Variants in SCHIP1 observed in about 807,000 individuals in gnomAD.
The protein encoded by SCHIP1 is schwannomin interacting protein 1.
A neutral mutation model predicts 29.7 loss-of-function variants in SCHIP1; 8 were observed. The ratio of observed to expected loss-of-function variants is 0.27; its 90% CI spans 0.16 to 0.49. The LOEUF (loss-of-function observed/expected upper bound fraction) is 0.49. Among genes scored for constraint, SCHIP1 ranks in the 20% least tolerant of loss-of-function variants. SCHIP1 has a pLI of 0.99. For missense variants in SCHIP1, 193 were observed against 294.6 expected, an observed-to-expected ratio of 0.66 and a Z score of 2.52; for synonymous variants, 76 against 94.9, an observed-to-expected ratio of 0.80 and a Z score of 1.16.
the SCHIP1 span, among the ~76,000 whole-genome samples, chr3:159,530,701 C>A: frequency 1.3e-5 from 2 of 152,170 alleles, no homozygotes; most frequent in Non-Finnish European, 2.9e-5. Flanking sequence ...AACAGACAAC[C>A]CATTTCCTGC....
the SCHIP1 span, among the ~76,000 whole-genome samples, chr3:159,619,268 C>T: frequency 6.6e-6 from 1 of 152,180 alleles, no homozygotes; most frequent in East Asian, 1.9e-4. Context: ...CAGCCTGGTT[C>T]ATAAACCTCT....
the SCHIP1 span, among the ~76,000 whole-genome samples, chr3:159,557,941 C>T: frequency 9.8e-5 from 15 of 152,310 alleles, no homozygotes; most frequent in South Asian, 4.1e-4. Flanking sequence ...AGTATAAGGA[C>T]GCAGTTCCTG....
the SCHIP1 span, among the ~76,000 whole-genome samples, chr3:159,744,013 A>T: frequency 3.7e-4 from 56 of 152,330 alleles, no homozygotes; most frequent in African/African-American, 1.3e-3. Flanking sequence ...ACTGTACTGT[A>T]TAGTAAAACT....
At chr3:159,381,741 A>G in the SCHIP1 span, among the ~76,000 whole-genome samples, 1 of 152,064 alleles carries the variant, frequency 6.6e-6, no homozygotes, top group Non-Finnish European at 1.5e-5. Context: ...GACTATAGGC[A>G]TGCACCACCA....
At chr3:159,721,450 C>G in the SCHIP1 span, 2 of 152,718 alleles carry the variant, frequency 1.3e-5, no homozygotes, top group African/African-American at 4.8e-5. Flanking sequence ...ATGCTTCTAT[C>G]CAGGAAGCAT....
the SCHIP1 span, among the ~76,000 whole-genome samples, chr3:159,691,416 CTTT>C: frequency 4.0e-4 from 43 of 106,678 alleles, no homozygotes; most frequent in South Asian, 4.5e-3. Flanking sequence ...GCAACCCCTG[CTTT>C]TTTTTTTTTT....
chr3:159,595,003 A>T, the SCHIP1 span, among the ~76,000 whole-genome samples: 1 of 152,174 alleles, frequency 6.6e-6, no homozygotes, highest in Non-Finnish European at 1.5e-5. Flanking sequence ...AGAATCTGTC[A>T]TAAATTCAAG....
At chr3:159,575,271 ATT>A in the SCHIP1 span, among the ~76,000 whole-genome samples, 3 of 152,178 alleles carry the variant, frequency 2.0e-5, no homozygotes, top group Non-Finnish European at 4.4e-5. Flanking sequence ...GACCATGTAT[ATT>A]TGTTATAATT....
chr3:159,829,600 A>G, the SCHIP1 span, among the ~76,000 whole-genome samples: 1 of 152,364 alleles, frequency 6.6e-6, no homozygotes, highest in African/African-American at 2.4e-5. Context: ...CGACGTCAGC[A>G]TATTTAATTT....
chr3:159,803,268 TC>T, the SCHIP1 span, among the ~76,000 whole-genome samples: 1 of 152,014 alleles, frequency 6.6e-6, no homozygotes, highest in African/African-American at 2.4e-5. Flanking sequence ...TAATAAAGTA[TC>T]CCATAGAAAG....
the SCHIP1 span, among the ~76,000 whole-genome samples, chr3:159,563,198 C>T: frequency 6.6e-6 from 1 of 152,100 alleles, no homozygotes; most frequent in East Asian, 1.9e-4. Flanking sequence ...AGATCAGACC[C>T]CTATGAATGT....
At chr3:159,563,071 T>C in the SCHIP1 span, among the ~76,000 whole-genome samples, 1 of 152,198 alleles carries the variant, frequency 6.6e-6, no homozygotes, top group African/African-American at 2.4e-5. Context: ...GTAGAGATAT[T>C]ACAACTCAGT....
At chr3:159,540,042 C>T in the SCHIP1 span, among the ~76,000 whole-genome samples, 1 of 151,916 alleles carries the variant, frequency 6.6e-6, no homozygotes, top group Non-Finnish European at 1.5e-5. Flanking sequence ...TCTTTCTTGT[C>T]CCTGCTTTTC....
intron 1 of SCHIP1, among the ~76,000 whole-genome samples, chr3:159,862,286 G>GAGAAAA (rs1241967484): frequency 6.6e-6 from 1 of 152,152 alleles, no homozygotes; most frequent in Non-Finnish European, 1.5e-5. Context: ...GAAAAGTGAT[G>GAGAAAA]AGAAAAAGCA....
chr3:159,697,039 G>A, the SCHIP1 span, among the ~76,000 whole-genome samples: 1 of 152,124 alleles, frequency 6.6e-6, no homozygotes, highest in African/African-American at 2.4e-5. Flanking sequence ...TTTTAAGGGT[G>A]GTGACATGGT....
chr3:159,765,388 T>G, the SCHIP1 span: 6 of 459,218 alleles, frequency 1.3e-5, no homozygotes, highest in Non-Finnish European at 1.9e-5. Context: ...AAAGTCGGGT[T>G]AGTGGAACCG....
At chr3:159,767,676 AC>A in the SCHIP1 span, among the ~76,000 whole-genome samples, 3 of 152,108 alleles carry the variant, frequency 2.0e-5, no homozygotes, top group Admixed American at 6.6e-5. Context: ...CCCTTCTGTA[AC>A]CTCTGCTTGG....
At chr3:159,852,155 C>T (rs1374925038) in intron 1 of SCHIP1, among the ~76,000 whole-genome samples, 3 of 152,216 alleles carry the variant, frequency 2.0e-5, no homozygotes, top group Admixed American at 6.5e-5. Context: ...AGCAGCAGTT[C>T]AGATGCCAAA....
chr3:159,704,596 T>C, the SCHIP1 span, among the ~76,000 whole-genome samples: 2 of 152,114 alleles, frequency 1.3e-5, no homozygotes, highest in Non-Finnish European at 2.9e-5. Flanking sequence ...TAAATGGTTC[T>C]TGAATAAATG....
Sources: allele counts gnomAD v4.1 joint callset (sites outside exome capture counted in the v4.1 genomes callset), GRCh38; gene constraint gnomAD v4.1.1; transcripts MANE v1.5; gene names NCBI Gene and HGNC (gene_info 2026-07-23, HGNC 2026-07-21).